The following SAFB variants were observed in gnomAD, a reference collection of about 807,000 sequenced individuals.
The protein encoded by SAFB is scaffold attachment factor B.
SAFB carries 15 observed loss-of-function variants against 101.6 expected under a neutral mutation model. The observed-to-expected ratio is 0.15, with a 90% CI of 0.10 to 0.23. The LOEUF (loss-of-function observed/expected upper bound fraction) is 0.23, where lower values mean the gene tolerates loss of function less well. SAFB is among the 10% of genes least tolerant of loss of function. SAFB has a pLI of 1.00. For synonymous variants in SAFB, 449 were observed against 407.5 expected, an observed-to-expected ratio of 1.10 and a Z score of -1.23; for missense variants, 930 against 1,104.1, an observed-to-expected ratio of 0.84 and a Z score of 2.23.
chr19:5,640,838 G>C (rs1051179113), intron 2 of SAFB, among the ~76,000 whole-genome samples: 1 of 152,024 alleles, frequency 6.6e-6, no homozygotes, highest in Non-Finnish European at 1.5e-5. Flanking sequence ...TGATCCACCT[G>C]TCTCGGCCTC....
Position 5,623,264 on chromosome 19 carries a change from G to T in SAFB, c.59G>T (p.Ser20Ile). 6.3e-7 allele frequency: 1 copy of T among 1,596,814 alleles called. No homozygotes were observed. Among genetic ancestry groups the T allele is most frequent in the Non-Finnish European group, 8.5e-7 (1 of 1,172,198 alleles). Residue 20 changes from serine (S) to isoleucine (I), a missense_variant, in exon 1 of 21, where the codon AGC becomes ATC. Ser to Ile is a moderately radical substitution (Grantham distance 142). This residue lies in a region of SAFB where 44 missense variants were observed against 35.8 expected (regional missense o/e 1.23). Coordinates refer to ENST00000588852, the MANE Select transcript of SAFB (RefSeq NM_001201338.2). ...GGAGCGGCGGGCGCGGCGGCTCTGAGCTCCGCCTCGTCAGAGACCGGGACG... is the reference window on the plus strand; with the variant it reads ...GGAGCGGCGGGCGCGGCGGCTCTGATCTCCGCCTCGTCAGAGACCGGGACG... ...DSGAAGAAAL[S>I]SASSETGTRR...
intron 14 of SAFB, 140 bp from the exon 15 acceptor site, chr19:5,661,378 C>G (rs573703242): frequency 6.9e-7 from 1 of 1,453,892 alleles, no homozygotes; most frequent in African/African-American, 1.4e-5. Flanking sequence ...GCCTTCTTCC[C>G]GCTGGAGTGT....
intron 2 of SAFB, among the ~76,000 whole-genome samples, chr19:5,635,991 TTAA>T (rs771971180): frequency 6.6e-6 from 1 of 152,102 alleles, no homozygotes; most frequent in Non-Finnish European, 1.5e-5. Flanking sequence ...GTCGTGATGA[TTAA>T]TAAACATTCC....
intron 1 of SAFB, among the ~76,000 whole-genome samples, 182 bp from the exon 2 acceptor site, chr19:5,626,223 G>A (rs1405953713): frequency 6.6e-6 from 1 of 152,158 alleles, no homozygotes; most frequent in Non-Finnish European, 1.5e-5. Flanking sequence ...AACTGGTGGC[G>A]TCAGTCGGTC....
At chr19:5,625,879 T>C (rs2053347143) in intron 1 of SAFB, among the ~76,000 whole-genome samples, 1 of 152,078 alleles carries the variant, frequency 6.6e-6, no homozygotes, top group Non-Finnish European at 1.5e-5. Flanking sequence ...GCGTAACACA[T>C]AGTAGGATCC....
intron 14 of SAFB, among the ~76,000 whole-genome samples, chr19:5,659,274 C>CA (rs1304059594): frequency 1.3e-5 from 2 of 152,136 alleles, no homozygotes; most frequent in African/African-American, 4.8e-5. Flanking sequence ...CATTGCACTC[C>CA]AGCCTGGGCA....
chr19:5,645,603 C>T lies in SAFB; in HGVS notation c.609+204C>T, dbSNP rs555703048. Among the ~76,000 whole-genome samples, 10 of 152,316 alleles carry T rather than the reference C, an allele frequency of 6.6e-5. No individual in the cohort carries two copies. The East Asian group carries it at 1.3e-3, about 21-fold the overall frequency. ...CCAGGGACTTAACTCTAGGCTTCGA[C>T]GAGTGGCCTCCAAGCGCTGTGGCTT... is the stretch of plus-strand genomic sequence containing the variant. On this transcript the variant is annotated intron_variant, in intron 5 of 20. Coordinates refer to ENST00000588852, the MANE Select transcript of SAFB (RefSeq NM_001201338.2).
At chr19:5,658,699 T>C (rs1245593225) in intron 14 of SAFB, among the ~76,000 whole-genome samples, 1 of 148,824 alleles carries the variant, frequency 6.7e-6, no homozygotes, top group Admixed American at 6.7e-5. Flanking sequence ...AAAAATGAAC[T>C]GGGCGTGGTG....
chr19:5,662,452 C>T (rs55863420), intron 15 of SAFB, among the ~76,000 whole-genome samples: 1 of 151,402 alleles, frequency 6.6e-6, no homozygotes, highest in Non-Finnish European at 1.5e-5. Flanking sequence ...CAAGATCGTG[C>T]CACTGCACTC....
intron 20 of SAFB, 115 bp from the exon 21 acceptor site, chr19:5,668,047 G>A: frequency 1.4e-6 from 2 of 1,473,568 alleles, no homozygotes; most frequent in Non-Finnish European, 1.8e-6. Flanking sequence ...CTCAGGAGGG[G>A]AGGGCATTAG....
At chr19:5,658,648 C>T (rs1252200046) in intron 14 of SAFB, among the ~76,000 whole-genome samples, 2 of 150,224 alleles carry the variant, frequency 1.3e-5, no homozygotes, top group East Asian at 4.0e-4. Flanking sequence ...TCGAGACCAT[C>T]CTGGCTAACA....
intron 17 of SAFB, chr19:5,665,000 T>C (rs749423917): frequency 1.3e-5 from 2 of 154,524 alleles, no homozygotes; most frequent in African/African-American, 2.4e-5. Flanking sequence ...CAGGAGAGCC[T>C]TGGACCTCTA....
intron 2 of SAFB, 30 bp downstream of exon 2, chr19:5,626,519 G>A (rs1330315819): frequency 9.9e-6 from 13 of 1,309,808 alleles, no homozygotes; most frequent in Middle Eastern, 2.0e-4. Flanking sequence ...CAAGTTTCAT[G>A]TTAAGTGCTT....
intron 2 of SAFB, among the ~76,000 whole-genome samples, chr19:5,631,189 CAAA>C (rs201484593): frequency 1.3e-5 from 2 of 150,780 alleles, no homozygotes; most frequent in African/African-American, 4.9e-5. Flanking sequence ...GACTGTGTCT[CAAA>C]AAAAAAGAAA....
At chr19:5,634,158 A>C (rs2053548079) in intron 2 of SAFB, among the ~76,000 whole-genome samples, 1 of 152,128 alleles carries the variant, frequency 6.6e-6, no homozygotes. Context: ...GAAATCACTA[A>C]TTAGAGAAAA....
chr19:5,635,511 TTATACTTCC>T (rs1254095646), intron 2 of SAFB, among the ~76,000 whole-genome samples: 2 of 152,142 alleles, frequency 1.3e-5, no homozygotes, highest in Non-Finnish European at 2.9e-5. Context: ...TATTATAGCT[TTATACTTCC>T]TATACTTAGG....
Position 5,667,724 on chromosome 19 carries a change from G to A in SAFB, c.2558-96G>A. ...TGGGACCCGCTAGTTGTGGGTACCT[G>A]GGGGCCTCACCAAAGGGAGTGGAGT... On this transcript the variant is annotated intron_variant, in intron 19 of 20. Coordinates refer to ENST00000588852, the MANE Select transcript of SAFB (RefSeq NM_001201338.2). The surrounding 1 kb of genome is among the most constrained non-coding windows in gnomAD (Gnocchi z 4.0). The A allele has an allele frequency of 1.7e-6, 2 of 1,202,342 alleles. No individual in the cohort carries two copies. The highest frequency in any genetic ancestry group is 2.4e-6 in the Non-Finnish European group (2 of 820,874). The allele number at this position is 1,202,342 out of a possible 1,614,324, so 74.5% of individuals were successfully genotyped here. A position where few individuals can be genotyped will look rare whatever the true frequency, so the allele number is the denominator to read the frequency against.
Position 5,667,424 on chromosome 19 carries a change from T to G in SAFB, c.2531T>G (p.Met844Arg). ...SWQGTADGGM[M>R]DRDHKRWQGG... Reference sequence around the variant, plus strand: ...CAGGGCACGGCCGACGGGGGCATGATGGACAGGGATCACAAGAGGTGGCAA... The same window carrying G: ...CAGGGCACGGCCGACGGGGGCATGAGGGACAGGGATCACAAGAGGTGGCAA... The change falls in exon 19 of 21, where the codon ATG (methionine) becomes AGG (arginine). Residue 844 changes from methionine (M) to arginine (R), a missense_variant. Physicochemically the swap from Met to Arg is moderately conservative, Grantham distance 91. Coordinates refer to ENST00000588852, the MANE Select transcript of SAFB (RefSeq NM_001201338.2). This position sits in a 1 kb window ranked among gnomAD's most constrained non-coding sequence, Gnocchi z 4.0. The G allele has an allele frequency of 6.6e-7, 1 of 1,518,730 alleles. No homozygotes were observed. The highest frequency in any genetic ancestry group is 8.8e-7 in the Non-Finnish European group (1 of 1,138,706). The allele number at this position is 1,518,730 out of a possible 1,614,324, so 94.1% of individuals were successfully genotyped here.
chr19:5,656,506 C>A (rs2054063580), intron 13 of SAFB, among the ~76,000 whole-genome samples: 1 of 151,022 alleles, frequency 6.6e-6, no homozygotes, highest in African/African-American at 2.4e-5. Flanking sequence ...AAACTCCTGA[C>A]TTCAAGTGAT....
Sources: allele counts gnomAD v4.1 joint callset (sites outside exome capture counted in the v4.1 genomes callset), GRCh38; gene constraint gnomAD v4.1.1; regional missense constraint gnomAD v4.1.1; non-coding constraint Gnocchi (gnomAD v3.1); transcripts MANE v1.5; gene names NCBI Gene and HGNC (gene_info 2026-07-23, HGNC 2026-07-21).